The following RELB variants were observed in gnomAD, a reference collection of about 807,000 sequenced individuals.
The protein encoded by RELB is transcription factor RelB.
RELB carries 14 observed loss-of-function variants against 55.4 expected under a neutral mutation model. The observed-to-expected ratio is 0.25, with a 90% CI of 0.17 to 0.40. The LOEUF (loss-of-function observed/expected upper bound fraction) is 0.40, where lower values mean the gene tolerates loss of function less well. Ranked by LOEUF, RELB falls within the 10% of genes least tolerant of loss-of-function variation. The pLI is 1.00. For synonymous variants in RELB, 409 were observed against 371.3 expected, an observed-to-expected ratio of 1.10 and a Z score of -1.17; for missense variants, 669 against 830.7, an observed-to-expected ratio of 0.81 and a Z score of 2.39.
At chr19:45,025,804 A>G in intron 7 of RELB, 67 bp downstream of exon 7, 1 of 1,600,142 alleles carries the variant, frequency 6.2e-7, no homozygotes, top group Non-Finnish European at 8.6e-7. Flanking sequence ...TCCCGCTTAC[A>G]GAGGCATGAA....
intron 4 of RELB, 99 bp from the exon 5 acceptor site, chr19:45,021,954 G>T (rs1330628461): frequency 1.7e-6 from 2 of 1,198,112 alleles, no homozygotes; most frequent in Non-Finnish European, 1.2e-6. Context: ...GGACCCTAGT[G>T]GGGAGAGGAT....
chr19:45,022,239 A>T, intron 5 of RELB, 29 bp downstream of exon 5: 1 of 1,556,220 alleles, frequency 6.4e-7, no homozygotes. Flanking sequence ...CCGACCTCTC[A>T]TCCTTGATCA....
At chr19:45,025,829 T>A in intron 7 of RELB, 92 bp downstream of exon 7, 2 of 1,503,666 alleles carry the variant, frequency 1.3e-6, no homozygotes, top group Non-Finnish European at 1.8e-6. Flanking sequence ...TCAGGCGCTG[T>A]GGCTCACGCC....
chr19:45,022,447 G>A (rs555870375), intron 5 of RELB, among the ~76,000 whole-genome samples: 4 of 152,236 alleles, frequency 2.6e-5, no homozygotes, highest in African/African-American at 9.6e-5. Flanking sequence ...CTGAGGCTCA[G>A]AGAGGGTAAG....
At chr19:45,037,374 C>T (rs773249404) in intron 11 of RELB, 31 bp from the exon 12 acceptor site, 22 of 1,511,726 alleles carry the variant, frequency 1.5e-5, no homozygotes, top group Non-Finnish European at 1.9e-5. Flanking sequence ...CCCTAAATCA[C>T]ACTACACTTC....
chr19:45,009,025 G>A (rs1428712995), intron 2 of RELB, among the ~76,000 whole-genome samples: 1 of 152,166 alleles, frequency 6.6e-6, no homozygotes, highest in African/African-American at 2.4e-5. Flanking sequence ...GGACAGGGCT[G>A]GGGTACAGAG....
chr19:45,002,094 C>G (rs1451425801), intron 1 of RELB, among the ~76,000 whole-genome samples: 2 of 26,368 alleles, frequency 7.6e-5, no homozygotes, highest in Non-Finnish European at 1.4e-4. Flanking sequence ...GGGCCCTACG[C>G]TGAGGGGTGA....
intron 9 of RELB, among the ~76,000 whole-genome samples, chr19:45,033,256 C>G (rs1971646808): frequency 6.6e-6 from 1 of 152,076 alleles, no homozygotes. Flanking sequence ...GAGCTGAGGA[C>G]AGGAGGATGA....
intron 7 of RELB, among the ~76,000 whole-genome samples, chr19:45,027,082 A>T (rs1971566992): frequency 6.6e-6 from 1 of 151,938 alleles, no homozygotes; most frequent in African/African-American, 2.4e-5. Context: ...CCAAAAAAAA[A>T]ATTAGCCGGG....
intron 3 of RELB, 49 bp downstream of exon 3, chr19:45,009,871 C>T: frequency 1.3e-6 from 2 of 1,561,184 alleles, no homozygotes; most frequent in Non-Finnish European, 8.7e-7. Flanking sequence ...ACCCAAGTGC[C>T]TACAGAAGGG....
At position 45,002,982 on chromosome 19, in the gene RELB, T is replaced by C. The variant is rs774030958; in HGVS notation, c.140T>C (p.Val47Ala). Residue 47 changes from valine (V) to alanine (A), a missense_variant, in exon 2 of 12, where the codon GTT becomes GCT. Val to Ala is a moderately conservative substitution (Grantham distance 64, BLOSUM62 0). Coordinates refer to ENST00000221452, the MANE Select transcript of RELB (RefSeq NM_006509.4). ...SPDLSSLSLA[V>A]SRSTDELEII... The stretch of plus-strand genomic sequence containing the variant: ...GACCTCTCCTCACTCTCGCTCGCCG[T>C]TTCCAGGAGCACAGGTGAGCAGCCC... The C allele has an allele frequency of 1.5e-5, 24 of 1,613,246 alleles. No homozygotes were observed. The highest frequency in any genetic ancestry group is 1.9e-5 in the Non-Finnish European group (22 of 1,179,710).
Position 45,032,698 on chromosome 19 carries a change from G to T in RELB, c.1156G>T (p.Asp386Tyr). The T allele has an allele frequency of 6.2e-7, 1 of 1,610,134 alleles. No individual in the cohort carries two copies. The highest frequency in any genetic ancestry group is 8.5e-7 in the Non-Finnish European group (1 of 1,178,462). ...TVNVFLQRLTDGVCSEPLPFT... is the reference protein window; with the variant it reads ...TVNVFLQRLTYGVCSEPLPFT... ...CAACGTCTTCCTGCAGCGGCTCACC[G>T]ATGGGGTCTGCAGCGAGCCATTGCC... Residue 386 changes from aspartate to tyrosine, a missense_variant, in exon 9 of 12, where the codon GAT (aspartate) becomes TAT (tyrosine). Coordinates refer to ENST00000221452, the MANE Select transcript of RELB (RefSeq NM_006509.4).
chr19:45,003,304 T>C (rs1210712845), intron 2 of RELB, among the ~76,000 whole-genome samples: 3 of 151,834 alleles, frequency 2.0e-5, no homozygotes, highest in African/African-American at 7.3e-5. Flanking sequence ...ACCCCGTCTC[T>C]ACTGAAAATA....
intron 5 of RELB, 36 bp downstream of exon 5, chr19:45,022,246 A>G (rs1415498285): frequency 8.4e-6 from 13 of 1,546,052 alleles, no homozygotes; most frequent in Non-Finnish European, 1.1e-5. Flanking sequence ...CTCATCCTTG[A>G]TCATGGAGAT....
intron 4 of RELB, among the ~76,000 whole-genome samples, chr19:45,013,266 C>T (rs1372062091): frequency 6.6e-6 from 1 of 151,728 alleles, no homozygotes; most frequent in Non-Finnish European, 1.5e-5. Flanking sequence ...CTCAGCCTCC[C>T]GAGTAGCTGG....
intron 4 of RELB, among the ~76,000 whole-genome samples, chr19:45,012,746 GA>G (rs145397577): frequency 2.6e-4 from 37 of 142,180 alleles, no homozygotes; most frequent in Middle Eastern, 7.2e-3. Flanking sequence ...CAAAAAAAAA[GA>G]AAAAAAAAAA....
chr19:45,003,890 T>G (rs184856492), intron 2 of RELB, among the ~76,000 whole-genome samples: 55 of 148,226 alleles, frequency 3.7e-4, no homozygotes, highest in African/African-American at 1.3e-3. Context: ...GGTGTGTGTG[T>G]GGGTTTTTTT....
rs762605645 is a variant in RELB, at chr19:45,011,997, G to C, written c.225G>C (p.Pro75=). ...GCCTGGACGGGGGACAGCCGGGCCC[G>C]GGCGAGGGGCTGCCACGCCTGGTGT... ...GFGLDGGQPG[P]GEGLPRLVSR... is the part of the protein sequence containing the mutation. The change falls in exon 4 of 12, where the codon CCG becomes CCC. Residue 75 remains proline (P), a synonymous_variant. Transcript: ENST00000221452. 1 of 1,577,376 alleles carries C rather than the reference G, an allele frequency of 6.3e-7. No individual in the cohort carries two copies. Among genetic ancestry groups the C allele is most frequent in the South Asian group, 1.2e-5 (1 of 86,716 alleles).
intron 11 of RELB, among the ~76,000 whole-genome samples, chr19:45,037,189 G>A (rs1971697043): frequency 6.6e-6 from 1 of 151,946 alleles, no homozygotes; most frequent in Non-Finnish European, 1.5e-5. Context: ...ACTGAGGCAG[G>A]GGAATCAACT....
Sources: gnomAD v4.1 joint callset for allele counts (sites outside exome capture counted in the v4.1 genomes callset) on GRCh38, gnomAD v4.1.1 for gene constraint, MANE v1.5 for transcripts, NCBI Gene and HGNC (gene_info 2026-07-23, HGNC 2026-07-21) for gene names.